The following DOCK3 variants were observed in gnomAD, a reference collection of about 807,000 sequenced individuals.
DOCK3 encodes dedicator of cytokinesis 3.
In DOCK3, 60 loss-of-function variants were observed where a neutral mutation model predicts 265.6. The observed-to-expected ratio is 0.23, with a 90% CI of 0.18 to 0.28. The LOEUF is 0.28. Among genes scored for constraint, DOCK3 ranks in the 10% least tolerant of loss-of-function variants. The probability of loss-of-function intolerance (pLI) is 1.00; values close to 1 mark genes in which losing one functional copy is unlikely to be tolerated. For synonymous variants in DOCK3, 881 were observed against 938.0 expected (o/e 0.94, Z 1.11); for missense variants, 1,981 against 2,594.3 (o/e 0.76, Z 5.14).
intron 1 of DOCK3, among the ~76,000 whole-genome samples, chr3:50,728,280 C>T (rs939889768): frequency 4.8e-4 from 73 of 151,994 alleles, no homozygotes; most frequent in African/African-American, 1.5e-3. Context: ...ATAATGAATA[C>T]GTAACATCCA....
intron 24 of DOCK3, among the ~76,000 whole-genome samples, chr3:51,271,573 G>A (rs770569760): frequency 2.6e-5 from 4 of 152,148 alleles, no homozygotes; most frequent in Non-Finnish European, 5.9e-5. Flanking sequence ...GAAAAGAGAA[G>A]GGACTATCTC....
chr3:51,270,503 A>G (rs931525752), intron 23 of DOCK3, among the ~76,000 whole-genome samples: 3 of 152,230 alleles, frequency 2.0e-5, no homozygotes, highest in African/African-American at 7.2e-5. Context: ...ATGAACAAAA[A>G]CAACTGTGGA....
intron 1 of DOCK3, among the ~76,000 whole-genome samples, chr3:50,680,709 C>G (rs1240510346): frequency 2.0e-5 from 3 of 151,212 alleles, no homozygotes; most frequent in African/African-American, 7.3e-5. Context: ...CTGGGTCTTG[C>G]TATTTTACTC....
intron 9 of DOCK3, among the ~76,000 whole-genome samples, chr3:51,093,928 T>C (rs190566357): frequency 6.6e-6 from 1 of 152,292 alleles, no homozygotes; most frequent in East Asian, 1.9e-4. Context: ...GAGATAAACA[T>C]GTGGTTTTTG....
chr3:51,007,871 A>G (rs1460265414), intron 5 of DOCK3, among the ~76,000 whole-genome samples: 2 of 152,232 alleles, frequency 1.3e-5, no homozygotes, highest in African/African-American at 4.8e-5. Context: ...CATTTATTAC[A>G]TAGAGAATCC....
chr3:50,684,835 G>A (rs2034665344), intron 1 of DOCK3, among the ~76,000 whole-genome samples: 1 of 151,916 alleles, frequency 6.6e-6, no homozygotes, highest in African/African-American at 2.4e-5. Context: ...TCTATATTGT[G>A]AATTCAGTAT....
chr3:51,288,659 C>CA (rs1190101710), intron 27 of DOCK3, among the ~76,000 whole-genome samples: 2 of 152,060 alleles, frequency 1.3e-5, no homozygotes, highest in African/African-American at 4.8e-5. Context: ...TAACAAGTGA[C>CA]AAAAACTCAC....
chr3:51,290,886 C>G (rs1383653341), intron 27 of DOCK3, among the ~76,000 whole-genome samples: 1 of 151,982 alleles, frequency 6.6e-6, no homozygotes, highest in African/African-American at 2.4e-5. Flanking sequence ...CAAGACCAGC[C>G]TGGTCAAGAT....
intron 4 of DOCK3, among the ~76,000 whole-genome samples, chr3:50,909,646 T>G (rs543048037): frequency 2.9e-4 from 43 of 150,514 alleles, no homozygotes; most frequent in African/African-American, 1.1e-3. Flanking sequence ...TTAACGTTTT[T>G]TTTTTTTTTT....
intron 27 of DOCK3, among the ~76,000 whole-genome samples, chr3:51,289,391 GTAAC>G (rs1378664823): frequency 2.6e-5 from 4 of 152,144 alleles, no homozygotes; most frequent in Admixed American, 6.5e-5. Context: ...AAGCCACTGA[GTAAC>G]TACTAAGCAA....
At chr3:50,975,694 T>C (rs979926466) in intron 5 of DOCK3, among the ~76,000 whole-genome samples, 6 of 152,222 alleles carry the variant, frequency 3.9e-5, no homozygotes, top group Non-Finnish European at 7.3e-5. Flanking sequence ...TTCCTATAGA[T>C]TGGAATAGTT....
chr3:51,272,565 G>A (rs2080566129), intron 24 of DOCK3, among the ~76,000 whole-genome samples: 1 of 151,572 alleles, frequency 6.6e-6, no homozygotes, highest in African/African-American at 2.4e-5. Flanking sequence ...GGGATTACAG[G>A]TGTGAGACAC....
At position 50,777,210 on chromosome 3, in the gene DOCK3, T is replaced by C. The variant is rs112679322; in HGVS notation, c.38-1465T>C. The stretch of plus-strand genomic sequence containing the variant: ...GCCAAACCATATCAGTGTTTTTTTT[T>C]CCCAGCTTATGTTTTTGTATGCTTT... On this transcript the variant is annotated intron_variant, in intron 1 of 52. Transcript: ENST00000266037. 2.8e-3 allele frequency among the ~76,000 whole-genome samples: 428 copies of C among 152,286 alleles called. 3 individuals carry two copies. Among genetic ancestry groups the C allele is most frequent in the African/African-American group, 9.8e-3 (409 of 41,564 alleles).
At chr3:50,780,965 A>G (rs4688696) in intron 2 of DOCK3, among the ~76,000 whole-genome samples, 13,474 of 152,018 alleles carry the variant, frequency 0.089, 1,226 homozygotes, top group East Asian at 0.33. Flanking sequence ...TTCCATTCAC[A>G]TTACCATGAA....
At position 51,312,825 on chromosome 3, in the gene DOCK3, C is replaced by T; in HGVS notation, c.3195-19C>T. 6.2e-7 allele frequency: 1 copy of T among 1,605,868 alleles called. No individual in the cohort carries two copies. The highest frequency in any genetic ancestry group is 8.5e-7 in the Non-Finnish European group (1 of 1,175,840). On this transcript the variant is annotated intron_variant, in intron 30 of 52. Coordinates refer to ENST00000266037, the MANE Select transcript of DOCK3 (RefSeq NM_004947.5). ...AACCTTCTCCCACTAACGGTTGGCTCCTGTGTTACTATTCTTAGGTATGGG... is the reference window on the plus strand; with the variant it reads ...AACCTTCTCCCACTAACGGTTGGCTTCTGTGTTACTATTCTTAGGTATGGG...
chr3:50,800,075 G>T (rs2042994860), intron 2 of DOCK3, among the ~76,000 whole-genome samples: 1 of 152,136 alleles, frequency 6.6e-6, no homozygotes, highest in Non-Finnish European at 1.5e-5. Context: ...TTTTTGATAT[G>T]TTGTTGGCTT....
intron 1 of DOCK3, among the ~76,000 whole-genome samples, chr3:50,746,598 A>G (rs2039461013): frequency 6.6e-6 from 1 of 152,160 alleles, no homozygotes; most frequent in Non-Finnish European, 1.5e-5. Context: ...GAGGCTGGGT[A>G]ATTTATAAAG....
At chr3:50,881,702 A>G (rs959915892) in intron 3 of DOCK3, among the ~76,000 whole-genome samples, 3 of 152,208 alleles carry the variant, frequency 2.0e-5, no homozygotes, top group Non-Finnish European at 2.9e-5. Context: ...AAGGTAATTT[A>G]TAGATTCAAT....
chr3:50,900,733 C>T, intron 4 of DOCK3: 1 of 450,756 alleles, frequency 2.2e-6, no homozygotes. Flanking sequence ...TGGTCAGGCT[C>T]CTCTGCTGCA....
Sources: gnomAD v4.1 joint callset for allele counts (sites outside exome capture counted in the v4.1 genomes callset) on GRCh38, gnomAD v4.1.1 for gene constraint, MANE v1.5 for transcripts, NCBI Gene and HGNC (gene_info 2026-07-23, HGNC 2026-07-21) for gene names.